GLYR1: variants seen among roughly 807,000 people sequenced by gnomAD.
GLYR1 encodes the protein cytokine-like nuclear factor N-PAC.
GLYR1 carries 21 observed loss-of-function variants against 72.7 expected under a neutral mutation model. That is an observed-to-expected ratio of 0.29 (90% CI 0.20 to 0.42). GLYR1 has a LOEUF of 0.42. GLYR1 is among the 10% of genes least tolerant of loss of function. The pLI, the probability that GLYR1 is intolerant of heterozygous loss-of-function variation, is 1.00. For missense variants in GLYR1, 594 were observed against 712.1 expected, an observed-to-expected ratio of 0.83 and a Z score of 1.89; for synonymous variants, 392 against 270.2, an observed-to-expected ratio of 1.45 and a Z score of -4.42.
chr16:4,817,277 G>A (rs185272502), intron 10 of GLYR1, among the ~76,000 whole-genome samples: 63 of 151,764 alleles, frequency 4.2e-4, no homozygotes, highest in African/African-American at 1.3e-3. Context: ...CCGCCACCAC[G>A]CCCGGCTAAT....
intron 3 of GLYR1, among the ~76,000 whole-genome samples, chr16:4,842,353 ATTCTTT>A (rs1377054312): frequency 3.3e-5 from 5 of 151,976 alleles, no homozygotes; most frequent in East Asian, 1.9e-4. Context: ...CTCTTCTAGA[ATTCTTT>A]TTCTTTTTAA....
chr16:4,812,331 C>G, intron 12 of GLYR1, 83 bp from the exon 13 acceptor site: 1 of 1,441,800 alleles, frequency 6.9e-7, no homozygotes, highest in African/African-American at 1.4e-5. Context: ...TGCTGAGTGG[C>G]CACGGCTGCT....
At position 4,832,763 on chromosome 16, in the gene GLYR1, G is replaced by C. The variant is rs1276496003; in HGVS notation, c.294+11C>G. On this transcript the variant is annotated intron_variant, in intron 4 of 15. Coordinates refer to ENST00000321919, the MANE Select transcript of GLYR1 (RefSeq NM_032569.4). ...CTGGCATTGGTAGAAAGTGAACATT[G>C]TGTCTCTCACCTGGTCTTTCCCTTT... is the stretch of plus-strand genomic sequence containing the variant. The C allele has an allele frequency of 2.5e-6, 4 of 1,598,368 alleles. No homozygotes were observed. Among genetic ancestry groups the C allele is most frequent in the Non-Finnish European group, 3.4e-6 (4 of 1,171,604 alleles).
At chr16:4,822,710 C>T (rs2084115804) in intron 7 of GLYR1, among the ~76,000 whole-genome samples, 165 bp downstream of exon 7, 1 of 152,214 alleles carries the variant, frequency 6.6e-6, no homozygotes, top group Admixed American at 6.5e-5. Context: ...TTAATCTTAA[C>T]AATGCTTGGC....
chr16:4,829,038 G>C (rs1293394796), intron 5 of GLYR1, among the ~76,000 whole-genome samples: 1 of 151,960 alleles, frequency 6.6e-6, no homozygotes, highest in African/African-American at 2.4e-5. Flanking sequence ...TTTTTTGTGG[G>C]TCAATTTAGA....
intron 15 of GLYR1, among the ~76,000 whole-genome samples, chr16:4,806,485 C>A (rs1254251767): frequency 6.6e-6 from 1 of 151,786 alleles, no homozygotes; most frequent in African/African-American, 2.4e-5. Context: ...CCTGCCTCAG[C>A]CTCCCAAGTA....
At chr16:4,807,138 G>T (rs1164850753) in intron 15 of GLYR1, among the ~76,000 whole-genome samples, 1 of 140,264 alleles carries the variant, frequency 7.1e-6, no homozygotes. Context: ...TTGAGACGGA[G>T]TCTTGGTCTG....
intron 3 of GLYR1, chr16:4,833,164 A>G: frequency 2.8e-6 from 1 of 357,340 alleles, no homozygotes; most frequent in South Asian, 7.1e-5. Flanking sequence ...CCTCCAGTGA[A>G]AGCACTGTGT....
intron 15 of GLYR1, among the ~76,000 whole-genome samples, chr16:4,810,699 TA>T (rs551202037): frequency 1.4e-3 from 31 of 21,816 alleles, no homozygotes; most frequent in African/African-American, 6.2e-3. Flanking sequence ...CTGTCTCTAC[TA>T]AAAAAAAAAA....
At chr16:4,828,836 A>C (rs1288291921) in intron 5 of GLYR1, among the ~76,000 whole-genome samples, 1 of 152,112 alleles carries the variant, frequency 6.6e-6, no homozygotes, top group African/African-American at 2.4e-5. Flanking sequence ...TTCAAACTCC[A>C]GGCCCTCGTC....
At position 4,805,230 on chromosome 16, in the gene GLYR1, G is replaced by A. The variant is rs373703121; in HGVS notation, c.*6C>T. Reference sequence around the variant, plus strand: ...ATTGGAGGGGTGAGGGCGGGGTGTCGACAGCTTAGTGTATGTAGGCTCGGT... The same window carrying A: ...ATTGGAGGGGTGAGGGCGGGGTGTCAACAGCTTAGTGTATGTAGGCTCGGT... On this transcript the variant is annotated 3_prime_UTR_variant, in exon 16 of 16. Coordinates refer to ENST00000321919, the MANE Select transcript of GLYR1 (RefSeq NM_032569.4). 1.7e-5 allele frequency: 28 copies of A among 1,613,436 alleles called. No individual in the cohort carries two copies. The highest frequency in any genetic ancestry group is 3.3e-5 in the Admixed American group (2 of 59,992).
intron 15 of GLYR1, among the ~76,000 whole-genome samples, chr16:4,806,093 A>G (rs2082950542): frequency 6.6e-6 from 1 of 152,246 alleles, no homozygotes. Context: ...GAGTTCTCAC[A>G]CCTGTGGTGC....
intron 5 of GLYR1, 100 bp from the exon 6 acceptor site, chr16:4,824,007 A>C: frequency 2.3e-6 from 2 of 873,918 alleles, no homozygotes; most frequent in Non-Finnish European, 3.7e-6. Context: ...CCAATCCCCA[A>C]CCACTGTTCT....
chr16:4,823,083 T>G, intron 6 of GLYR1, 152 bp from the exon 7 acceptor site: 1 of 689,912 alleles, frequency 1.4e-6, no homozygotes, highest in East Asian at 2.7e-5. Flanking sequence ...CATTTTGGCC[T>G]AAGCCTTTTT....
At chr16:4,821,502 G>C in intron 8 of GLYR1, 45 bp downstream of exon 8, 1 of 1,613,944 alleles carries the variant, frequency 6.2e-7, no homozygotes, top group Non-Finnish European at 8.5e-7. Context: ...TGCAGTTTAA[G>C]GCCCCAGGTG....
chr16:4,811,496 G>T, intron 14 of GLYR1, 127 bp downstream of exon 14: 2 of 1,326,722 alleles, frequency 1.5e-6, no homozygotes, highest in Non-Finnish European at 2.1e-6. Flanking sequence ...CTGTGTTTCT[G>T]AACCTCCTCT....
chr16:4,809,941 CAAAA>C (rs913396766), intron 15 of GLYR1, among the ~76,000 whole-genome samples: 16 of 148,334 alleles, frequency 1.1e-4, no homozygotes, highest in Admixed American at 3.3e-4. Context: ...AACAAAAAAA[CAAAA>C]AACAAAAAAA....
At chr16:4,807,000 G>A (rs564189365) in intron 15 of GLYR1, among the ~76,000 whole-genome samples, 1 of 151,168 alleles carries the variant, frequency 6.6e-6, no homozygotes, top group South Asian at 2.1e-4. Flanking sequence ...TAGAGACAGG[G>A]TTTCACCCTG....
intron 9 of GLYR1, 102 bp from the exon 10 acceptor site, chr16:4,817,799 AG>A: frequency 1.3e-6 from 1 of 749,826 alleles, no homozygotes; most frequent in Non-Finnish European, 2.3e-6. Context: ...AGCTTGGGGT[AG>A]GGGAATTCAG....
Sources: allele counts gnomAD v4.1 joint callset (sites outside exome capture counted in the v4.1 genomes callset), GRCh38; gene constraint gnomAD v4.1.1; transcripts MANE v1.5; gene names NCBI Gene and HGNC (gene_info 2026-07-23, HGNC 2026-07-21).